The following G3BP1 variants were observed in gnomAD, a reference collection of about 807,000 sequenced individuals.
The protein encoded by G3BP1 is G3BP stress granule assembly factor 1.
A neutral mutation model predicts 58.6 loss-of-function variants in G3BP1; 35 were observed. The observed-to-expected ratio is 0.60, with a 90% CI of 0.46 to 0.79. The LOEUF (loss-of-function observed/expected upper bound fraction) is 0.79. Ranked by LOEUF, G3BP1 falls within the 30% of genes least tolerant of loss-of-function variation. The pLI is 0.00. For missense variants in G3BP1, 523 were observed against 580.8 expected (o/e 0.90, Z 1.02); for synonymous variants, 191 against 195.4 (o/e 0.98, Z 0.19).
At chr5:151,794,684 A>G (rs1762720494) in intron 5 of G3BP1, among the ~76,000 whole-genome samples, 1 of 152,248 alleles carries the variant, frequency 6.6e-6, no homozygotes, top group South Asian at 2.1e-4. Context: ...GCTGTTTGCT[A>G]TATAAATGTT....
At position 151,790,940 on chromosome 5, in the gene G3BP1, A is replaced by G; in HGVS notation, c.229A>G (p.Ile77Val). The G allele has an allele frequency of 1.2e-6, 2 of 1,611,090 alleles. No individual in the cohort carries two copies. Among genetic ancestry groups the G allele is most frequent in the Non-Finnish European group, 1.7e-6 (2 of 1,178,560 alleles). Reference sequence around the variant, plus strand: ...AAACTTCACCAACTGCCACACCAAGATTCGCCATGTTGATGCTCATGCCAC... The same window carrying G: ...AAACTTCACCAACTGCCACACCAAGGTTCGCCATGTTGATGCTCATGCCAC... ...SQNFTNCHTK[I>V]RHVDAHATLN... The change falls in exon 4 of 12, where the codon ATT becomes GTT. Residue 77 changes from isoleucine (I) to valine (V), a missense_variant. Coordinates refer to ENST00000356245, the MANE Select transcript of G3BP1 (RefSeq NM_005754.3).
intron 1 of G3BP1, among the ~76,000 whole-genome samples, chr5:151,782,077 AGT>A (rs1169595493): frequency 6.6e-6 from 1 of 152,070 alleles, no homozygotes; most frequent in Non-Finnish European, 1.5e-5. Context: ...GACACAAGAG[AGT>A]GGGATGTAGA....
At chr5:151,791,817 C>T (rs537436538) in intron 4 of G3BP1, 2 of 292,520 alleles carry the variant, frequency 6.8e-6, no homozygotes, top group Admixed American at 9.6e-5. Flanking sequence ...CTACCGTACT[C>T]GGCTGATTTT....
Position 151,790,856 on chromosome 5 carries a change from G to C in G3BP1, c.178-33G>C, listed in dbSNP as rs1268046329. 3 of 1,291,694 alleles carry C rather than the reference G, an allele frequency of 2.3e-6. No individual in the cohort carries two copies. The South Asian group carries it at 4.1e-5, about 17-fold the overall frequency. 80.0% of individuals were successfully genotyped at this position (1,291,694 alleles called of 1,614,324 possible). A position where few individuals can be genotyped will look rare whatever the true frequency, so the allele number is the denominator to read the frequency against. ...TTATTTAAATTTTAAGGCATTCTCA[G>C]TTGATTATTATTATTATTATTATTT... On this transcript the variant is annotated intron_variant, in intron 3 of 11. Transcript: ENST00000356245.
chr5:151,800,397 T>G, intron 10 of G3BP1, 51 bp downstream of exon 10: 1 of 1,362,938 alleles, frequency 7.3e-7, no homozygotes. Flanking sequence ...TCTCTAGCAC[T>G]GTCCAGTAGC....
chr5:151,780,566 G>A (rs916520331), intron 1 of G3BP1, among the ~76,000 whole-genome samples: 5 of 152,076 alleles, frequency 3.3e-5, no homozygotes, highest in Non-Finnish European at 7.4e-5. Context: ...GCTGGAGTGC[G>A]GTGGTGCGAT....
chr5:151,800,414 A>C (rs1015252234), intron 10 of G3BP1, 68 bp downstream of exon 10: 2 of 1,148,706 alleles, frequency 1.7e-6, no homozygotes, highest in Non-Finnish European at 2.5e-6. Context: ...TAGCAATAGA[A>C]AATGAGCCAC....
At position 151,790,945 on chromosome 5, in the gene G3BP1, C is replaced by T; in HGVS notation, c.234C>T (p.Arg78=). 6.2e-7 allele frequency: 1 copy of T among 1,610,744 alleles called. No homozygotes were observed. Among genetic ancestry groups the T allele is most frequent in the Non-Finnish European group, 8.5e-7 (1 of 1,178,138 alleles). Reference sequence around the variant, plus strand: ...TCACCAACTGCCACACCAAGATTCGCCATGTTGATGCTCATGCCACGCTAA... The same window carrying T: ...TCACCAACTGCCACACCAAGATTCGTCATGTTGATGCTCATGCCACGCTAA... ...QNFTNCHTKI[R]HVDAHATLND... The change falls in exon 4 of 12, where the codon CGC becomes CGT. Residue 78 remains arginine, a synonymous_variant. Transcript: ENST00000356245.
At chr5:151,803,080 C>T (rs1256975367) in intron 11 of G3BP1, among the ~76,000 whole-genome samples, 3 of 152,194 alleles carry the variant, frequency 2.0e-5, no homozygotes, top group African/African-American at 4.8e-5. Flanking sequence ...AGCCCCTTAA[C>T]TACTTTGGCT....
At chr5:151,782,976 G>A (rs912558592) in intron 1 of G3BP1, among the ~76,000 whole-genome samples, 2 of 148,606 alleles carry the variant, frequency 1.3e-5, no homozygotes, top group African/African-American at 5.0e-5. Context: ...TCCTGCCTCA[G>A]CCTCCTGAGT....
Position 151,803,936 on chromosome 5 carries a change from C to T in G3BP1, c.1246C>T (p.Arg416Ter), listed in dbSNP as rs769787518. The T allele has an allele frequency of 1.9e-6, 3 of 1,613,930 alleles. No individual in the cohort carries two copies. Among genetic ancestry groups the T allele is most frequent in the Non-Finnish European group, 2.5e-6 (3 of 1,179,864 alleles). Residue 416 changes from arginine (R) to a stop codon, truncating the protein, a stop_gained, in exon 12 of 12, where the codon CGA (arginine) becomes TGA (stop). Coordinates refer to ENST00000356245, the MANE Select transcript of G3BP1 (RefSeq NM_005754.3). LOFTEE classifies it high-confidence loss of function. ...TCTGAATGTCGAAGAGAAGAAGACTCGAGCTGCCAGGGAAGGCGACCGACG... is the reference window on the plus strand; with the variant it reads ...TCTGAATGTCGAAGAGAAGAAGACTTGAGCTGCCAGGGAAGGCGACCGACG... ...VRLNVEEKKT[R>*]AAREGDRRDN...
rs1220575644 is a variant in G3BP1 at position 151,803,776 on chromosome 5, G to GA, written c.1195-108dup. ...CCCAAAGTGCTGGGATTACAGGCAT[G>GA]AGTCACCGTGCCCAGCCTCTGCTGG... On this transcript the variant is annotated intron_variant, in intron 11 of 11. Transcript: ENST00000356245. 3 of 720,566 alleles carry GA rather than the reference G, an allele frequency of 4.2e-6. No homozygotes were observed. The African/African-American group carries it at 5.3e-5, about 13-fold the overall frequency. 44.6% of individuals were successfully genotyped at this position (720,566 alleles called of 1,614,324 possible).
chr5:151,802,612 GGTT>G (rs1762873141), intron 11 of G3BP1, among the ~76,000 whole-genome samples: 1 of 152,168 alleles, frequency 6.6e-6, no homozygotes, highest in South Asian at 2.1e-4. Flanking sequence ...ACCATCAGAG[GGTT>G]GTTGTAAAGG....
chr5:151,777,279 C>G (rs749108893), intron 1 of G3BP1, among the ~76,000 whole-genome samples: 1 of 152,146 alleles, frequency 6.6e-6, no homozygotes, highest in African/African-American at 2.4e-5. Context: ...AATCCTGAAA[C>G]AAAATTTACA....
intron 6 of G3BP1, among the ~76,000 whole-genome samples, chr5:151,796,638 T>TC (rs1762756287): frequency 6.6e-6 from 1 of 152,222 alleles, no homozygotes; most frequent in African/African-American, 2.4e-5. Context: ...AACTATTTTC[T>TC]CCCCCAAATT....
chr5:151,783,636 C>T (rs1762509897), intron 1 of G3BP1, among the ~76,000 whole-genome samples: 1 of 151,996 alleles, frequency 6.6e-6, no homozygotes, highest in Non-Finnish European at 1.5e-5. Flanking sequence ...AGTGATCTGT[C>T]CCTGTTGGCC....
intron 1 of G3BP1, among the ~76,000 whole-genome samples, chr5:151,773,065 A>G (rs1006805699): frequency 6.6e-6 from 1 of 152,256 alleles, no homozygotes; most frequent in Non-Finnish European, 1.5e-5. Flanking sequence ...GCAAATGAAC[A>G]TGGACTGTGT....
At chr5:151,781,012 A>G (rs752663562) in intron 1 of G3BP1, among the ~76,000 whole-genome samples, 17 of 152,178 alleles carry the variant, frequency 1.1e-4, no homozygotes, top group East Asian at 1.9e-4. Context: ...ATTTTTTTCA[A>G]TGAATATATT....
At chr5:151,783,982 C>G (rs892499256) in intron 1 of G3BP1, among the ~76,000 whole-genome samples, 3 of 152,096 alleles carry the variant, frequency 2.0e-5, no homozygotes, top group Non-Finnish European at 4.4e-5. Flanking sequence ...AGGATGGTCT[C>G]GATCTCTTGA....
Sources: allele counts gnomAD v4.1 joint callset (sites outside exome capture counted in the v4.1 genomes callset), GRCh38; gene constraint gnomAD v4.1.1; transcripts MANE v1.5; gene names NCBI Gene and HGNC (gene_info 2026-07-23, HGNC 2026-07-21).